Variants in ANKRD62 observed in about 807,000 individuals in gnomAD.
ANKRD62 encodes ankyrin repeat domain 62.
ANKRD62 carries 61 observed loss-of-function variants against 98.8 expected under a neutral mutation model. The observed-to-expected ratio is 0.62, with a 90% CI of 0.50 to 0.76. The LOEUF (loss-of-function observed/expected upper bound fraction) is 0.76. Among genes scored for constraint, ANKRD62 ranks in the 30% least tolerant of loss-of-function variants. The pLI is 0.00. For synonymous variants in ANKRD62, 341 were observed against 367.9 expected (o/e 0.93, Z 0.84); for missense variants, 933 against 1,082.9 (o/e 0.86, Z 1.94).
In ANKRD62 at chr18:12,095,593, A is replaced by G; in HGVS notation, c.490A>G (p.Ile164Val). ...AAAACTGCTTGCATATGGTGCAGATATTGAAGCAAGAAGCCAGGTATGATC... is the reference window on the plus strand; with the variant it reads ...AAAACTGCTTGCATATGGTGCAGATGTTGAAGCAAGAAGCCAGGTATGATC... ...ARKLLAYGAD[I>V]EARSQDGHTS... Residue 164 changes from isoleucine to valine, a missense_variant, in exon 3 of 14, where the codon ATT becomes GTT. Transcript: ENST00000587848. 6.6e-7 allele frequency: 1 copy of G among 1,522,346 alleles called. No individual in the cohort carries two copies. The highest frequency in any genetic ancestry group is 8.8e-7 in the Non-Finnish European group (1 of 1,139,578). 94.3% of individuals were successfully genotyped at this position (1,522,346 alleles called of 1,614,324 possible). A position where few individuals can be genotyped will look rare whatever the true frequency, so the allele number is the denominator to read the frequency against.
intron 4 of ANKRD62, among the ~76,000 whole-genome samples, chr18:12,096,964 A>G (rs554232122): frequency 6.6e-6 from 1 of 152,288 alleles, no homozygotes; most frequent in Middle Eastern, 3.4e-3. Context: ...ACTACAAGCC[A>G]TGGGTGACAA....
At chr18:12,129,975 C>T (rs572649585), downstream of ANKRD62, among the ~76,000 whole-genome samples, 8 of 152,164 alleles carry the variant, frequency 5.3e-5, no homozygotes, top group East Asian at 3.9e-4. Context: ...GATTCTAAGA[C>T]GTGCTGAGGA....
Position 12,115,534 on chromosome 18 carries a change from G to A in ANKRD62, c.1240G>A (p.Asp414Asn). The A allele has an allele frequency of 6.5e-7, 1 of 1,534,098 alleles. No individual in the cohort carries two copies. The highest frequency in any genetic ancestry group is 1.4e-5 in the African/African-American group (1 of 72,846). Residue 414 changes from aspartate (D) to asparagine (N), a missense_variant and splice_region_variant, in exon 10 of 14, where the codon GAT becomes AAT. Asp to Asn is a conservative substitution (Grantham distance 23). Coordinates refer to ENST00000587848, the MANE Select transcript of ANKRD62 (RefSeq NM_001277333.2). ...LIEQSGMECKDFVSLSKSKNA... is the reference protein window; with the variant it reads ...LIEQSGMECKNFVSLSKSKNA... ...TGAACAAAGTGGAATGGAGTGTAAA[G>A]GTAGGACCAATGCATAAATATAAGG...
the ANKRD62 span, among the ~76,000 whole-genome samples, chr18:12,163,035 T>C: frequency 5.3e-5 from 8 of 152,256 alleles, no homozygotes; most frequent in East Asian, 1.2e-3. Flanking sequence ...AGAATTGTTT[T>C]TTCTTTTACT....
chr18:12,172,602 G>C, the ANKRD62 span, among the ~76,000 whole-genome samples: 1 of 151,878 alleles, frequency 6.6e-6, no homozygotes, highest in African/African-American at 2.4e-5. Flanking sequence ...CAGTCTGTCC[G>C]TTCTCAGATC....
At chr18:12,111,382 CA>C (rs758112651) in intron 8 of ANKRD62, among the ~76,000 whole-genome samples, 1 of 151,968 alleles carries the variant, frequency 6.6e-6, no homozygotes, top group African/African-American at 2.4e-5. Context: ...TAAAAGCTCT[CA>C]ACTAGTTATT....
the ANKRD62 span, among the ~76,000 whole-genome samples, chr18:12,165,480 A>ATTTTT: frequency 6.6e-6 from 1 of 151,056 alleles, no homozygotes; most frequent in Non-Finnish European, 1.5e-5. Context: ...CTTAAAACCC[A>ATTTTT]TTAAACTGAT....
At chr18:12,130,544 A>G (rs1219630481), downstream of ANKRD62, among the ~76,000 whole-genome samples, 2 of 152,202 alleles carry the variant, frequency 1.3e-5, no homozygotes, top group Non-Finnish European at 2.9e-5. Context: ...ATTTTTTCAG[A>G]GTTTGGAATA....
chr18:12,096,380 T>C, intron 4 of ANKRD62, 78 bp downstream of exon 4: 2 of 755,612 alleles, frequency 2.6e-6, no homozygotes, highest in Non-Finnish European at 4.1e-6. Context: ...TCAGAAATAT[T>C]AAATTGATAA....
At chr18:12,156,212 G>A in the ANKRD62 span, among the ~76,000 whole-genome samples, 1 of 151,984 alleles carries the variant, frequency 6.6e-6, no homozygotes, top group Non-Finnish European at 1.5e-5. Flanking sequence ...TTGGTGCCAC[G>A]CCTCCGGTGC....
intron 8 of ANKRD62, among the ~76,000 whole-genome samples, chr18:12,109,702 C>T (rs190166299): frequency 8.2e-4 from 125 of 152,086 alleles, no homozygotes; most frequent in African/African-American, 2.2e-3. Flanking sequence ...TATTGCTAAA[C>T]GTTATCGAAG....
At chr18:12,161,539 C>G in the ANKRD62 span, among the ~76,000 whole-genome samples, 1 of 152,078 alleles carries the variant, frequency 6.6e-6, no homozygotes, top group Non-Finnish European at 1.5e-5. Flanking sequence ...ACAAACCATC[C>G]AATTATAGTC....
chr18:12,104,967 AC>A (rs2143904174), intron 7 of ANKRD62, among the ~76,000 whole-genome samples: 1 of 152,336 alleles, frequency 6.6e-6, no homozygotes, highest in African/African-American at 2.4e-5. Flanking sequence ...TTATAATGAC[AC>A]AAAAAGTACA....
At chr18:12,104,353 AAAGAC>A (rs1234989983) in intron 7 of ANKRD62, among the ~76,000 whole-genome samples, 10 of 152,148 alleles carry the variant, frequency 6.6e-5, no homozygotes, top group Admixed American at 5.2e-4. Flanking sequence ...TTCATTATTT[AAAGAC>A]AAAGTTATCC....
chr18:12,107,681 G>T (rs1013328863), intron 8 of ANKRD62, among the ~76,000 whole-genome samples: 1 of 152,080 alleles, frequency 6.6e-6, no homozygotes, highest in Non-Finnish European at 1.5e-5. Flanking sequence ...AGACAAATGT[G>T]AAGAAAGACA....
the ANKRD62 span, among the ~76,000 whole-genome samples, chr18:12,146,572 A>G: frequency 6.6e-6 from 1 of 152,108 alleles, no homozygotes; most frequent in African/African-American, 2.4e-5. Flanking sequence ...CAGCCTTCCG[A>G]GCAGCTGGGA....
chr18:12,152,655 C>A, the ANKRD62 span, among the ~76,000 whole-genome samples: 1 of 152,174 alleles, frequency 6.6e-6, no homozygotes, highest in South Asian at 2.1e-4. Context: ...GGGGGCATTC[C>A]CCTCAAAAAC....
chr18:12,118,311 A>T (rs1446090136), intron 10 of ANKRD62, among the ~76,000 whole-genome samples: 1 of 152,170 alleles, frequency 6.6e-6, no homozygotes, highest in Non-Finnish European at 1.5e-5. Context: ...AATCATACAG[A>T]AAGTAGCCTT....
chr18:12,164,384 C>T, the ANKRD62 span, among the ~76,000 whole-genome samples: 1 of 151,626 alleles, frequency 6.6e-6, no homozygotes. Context: ...TGGGTCTTCT[C>T]CCTTTTTTTC....
Sources: gnomAD v4.1 joint callset for allele counts (sites outside exome capture counted in the v4.1 genomes callset) on GRCh38, gnomAD v4.1.1 for gene constraint, MANE v1.5 for transcripts, NCBI Gene and HGNC (gene_info 2026-07-23, HGNC 2026-07-21) for gene names.